Variants in SMC6 observed in about 807,000 individuals in gnomAD.
The protein encoded by SMC6 is structural maintenance of chromosomes 6, also known as structural maintenance of chromosomes protein 6.
A neutral mutation model predicts 142.2 loss-of-function variants in SMC6; 79 were observed. That is an observed-to-expected ratio of 0.56 (90% CI 0.46 to 0.67). The LOEUF is 0.67. SMC6 is among the 30% of genes least tolerant of loss of function. The pLI is 0.00. For missense variants in SMC6, 1,072 were observed against 1,284.0 expected (o/e 0.83, Z 2.52); for synonymous variants, 411 against 412.4 (o/e 1.00, Z 0.04).
At chr2:17,718,024 C>A in intron 12 of SMC6, 53 bp downstream of exon 12, 1 of 1,522,412 alleles carries the variant, frequency 6.6e-7, no homozygotes, top group Non-Finnish European at 8.9e-7. Flanking sequence ...GAAGAACAGC[C>A]TTTATATTTG....
chr2:17,701,755 T>C (rs1187888824), intron 20 of SMC6, 74 bp downstream of exon 20: 1 of 867,608 alleles, frequency 1.2e-6, no homozygotes, highest in Non-Finnish European at 1.8e-6. Flanking sequence ...CTAAAAAAGC[T>C]GAGTTGATGC....
intron 26 of SMC6, among the ~76,000 whole-genome samples, chr2:17,667,259 T>C (rs1666541739): frequency 6.6e-6 from 1 of 152,212 alleles, no homozygotes; most frequent in African/African-American, 2.4e-5. Flanking sequence ...GGTTAAGTTT[T>C]AAAAAGTCTG....
chr2:17,716,478 G>A (rs1329895297), intron 14 of SMC6, among the ~76,000 whole-genome samples: 12 of 152,054 alleles, frequency 7.9e-5, no homozygotes, highest in Admixed American at 7.9e-4. Flanking sequence ...CAACAATGAT[G>A]GGCTAGGAAT....
chr2:17,706,977 A>G (rs1357794740), intron 18 of SMC6, among the ~76,000 whole-genome samples: 3 of 152,202 alleles, frequency 2.0e-5, no homozygotes, highest in Non-Finnish European at 2.9e-5. Flanking sequence ...AATAGTGTAC[A>G]AATGATCCAG....
chr2:17,675,411 T>C (rs1376885688), intron 25 of SMC6, among the ~76,000 whole-genome samples: 2 of 152,118 alleles, frequency 1.3e-5, no homozygotes. Context: ...GAAACTGTTT[T>C]GTATTTACCC....
At chr2:17,740,576 G>A (rs750519424) in intron 4 of SMC6, among the ~76,000 whole-genome samples, 2 of 152,118 alleles carry the variant, frequency 1.3e-5, no homozygotes, top group African/African-American at 4.8e-5. Context: ...AATTGTGGCC[G>A]GGCGCAGTGG....
intron 23 of SMC6, among the ~76,000 whole-genome samples, chr2:17,690,689 C>T (rs1452515107): frequency 2.7e-5 from 4 of 150,386 alleles, no homozygotes; most frequent in Non-Finnish European, 5.9e-5. Context: ...CATAATGTAC[C>T]GAATAGACAA....
chr2:17,703,556 T>C (rs769231244), intron 18 of SMC6, among the ~76,000 whole-genome samples: 2 of 151,712 alleles, frequency 1.3e-5, no homozygotes, highest in African/African-American at 2.4e-5. Context: ...GTTTGAAATA[T>C]GTGGGTCCAC....
chr2:17,729,219 G>A (rs1421672896), intron 7 of SMC6, among the ~76,000 whole-genome samples: 1 of 152,054 alleles, frequency 6.6e-6, no homozygotes, highest in East Asian at 1.9e-4. Context: ...AATCTGCTGG[G>A]TATTTCACAT....
In SMC6 at chr2:17,741,746, A is replaced by G; in HGVS notation, c.121-17T>C. 2.7e-6 allele frequency: 4 copies of G among 1,498,748 alleles called. No homozygotes were observed. Among genetic ancestry groups the G allele is most frequent in the South Asian group, 1.2e-5 (1 of 85,180 alleles). The allele number at this position is 1,498,748 out of a possible 1,614,324, so 92.8% of individuals were successfully genotyped here. A position where few individuals can be genotyped will look rare whatever the true frequency, so the allele number is the denominator to read the frequency against. On this transcript the variant is annotated splice_polypyrimidine_tract_variant and intron_variant, in intron 3 of 27. Coordinates refer to ENST00000448223, the MANE Select transcript of SMC6 (RefSeq NM_001142286.2). ...TGCTGCAGTCTATTAATAAAAAACAATGGGAGAAAATGGTCAATCTAATTC... is the reference window on the plus strand; with the variant it reads ...TGCTGCAGTCTATTAATAAAAAACAGTGGGAGAAAATGGTCAATCTAATTC...
At chr2:17,750,197 T>C (rs1050778838) in intron 2 of SMC6, among the ~76,000 whole-genome samples, 4 of 152,132 alleles carry the variant, frequency 2.6e-5, no homozygotes, top group African/African-American at 7.2e-5. Context: ...ATATAGAAGA[T>C]AGATGAAACA....
intron 26 of SMC6, 21 bp from the exon 27 acceptor site, chr2:17,666,538 T>C: frequency 6.4e-7 from 1 of 1,561,934 alleles, no homozygotes; most frequent in Non-Finnish European, 8.8e-7. Flanking sequence ...AAGGCAAAAG[T>C]TAGGATTGCT....
intron 5 of SMC6, 30 bp downstream of exon 5, chr2:17,738,191 G>C: frequency 6.6e-7 from 1 of 1,507,676 alleles, no homozygotes; most frequent in East Asian, 2.3e-5. Flanking sequence ...CTAAAGAATT[G>C]AAAATAGATG....
rs142909821 is a variant in SMC6, at chr2:17,715,994, A to T, written c.1525+92T>A. On this transcript the variant is annotated intron_variant, in intron 15 of 27. Transcript: ENST00000448223. ...ATATAATTTCATTATTTTAAATGAAATCATTTTATTTCGAAAACTTCATTC... is the reference window on the plus strand; with the variant it reads ...ATATAATTTCATTATTTTAAATGAATTCATTTTATTTCGAAAACTTCATTC... 9.1e-4 allele frequency: 959 copies of T among 1,056,924 alleles called. 11 individuals carry two copies. In the African/African-American group the frequency reaches 0.014, roughly 16 times the overall value. The allele number at this position is 1,056,924 out of a possible 1,614,324, so 65.5% of individuals were successfully genotyped here.
At chr2:17,741,473 C>T (rs1483955407) in intron 4 of SMC6, 139 bp downstream of exon 4, 9 of 588,288 alleles carry the variant, frequency 1.5e-5, no homozygotes, top group Admixed American at 8.4e-5. Context: ...CAGCAAATAC[C>T]AAGAATATTC....
intron 20 of SMC6, among the ~76,000 whole-genome samples, chr2:17,701,012 C>T (rs1668244574): frequency 1.4e-5 from 2 of 147,100 alleles, no homozygotes; most frequent in South Asian, 4.4e-4. Context: ...GCCTGGGCAA[C>T]AAGAGTGATA....
chr2:17,700,194 C>A lies in SMC6; in HGVS notation c.2394+14G>T. 6.4e-7 allele frequency: 1 copy of A among 1,557,312 alleles called. No homozygotes were observed. Among genetic ancestry groups the A allele is most frequent in the South Asian group, 1.2e-5 (1 of 83,894 alleles). ...CATAAAATACATACGTAACACAGTA[C>A]CAAAAATATATACCTTAAGTGGGTC... is the stretch of plus-strand genomic sequence containing the variant. On this transcript the variant is annotated intron_variant, in intron 21 of 27. Coordinates refer to ENST00000448223, the MANE Select transcript of SMC6 (RefSeq NM_001142286.2).
chr2:17,666,103 A>C (rs925597256), intron 27 of SMC6, among the ~76,000 whole-genome samples: 1 of 152,238 alleles, frequency 6.6e-6, no homozygotes, highest in Non-Finnish European at 1.5e-5. Flanking sequence ...AGGCAAGATT[A>C]GGGAAATCAT....
intron 21 of SMC6, among the ~76,000 whole-genome samples, chr2:17,697,892 G>A (rs567583938): frequency 1.1e-4 from 16 of 152,068 alleles, no homozygotes; most frequent in Admixed American, 2.6e-4. Context: ...ATGAATGTTC[G>A]CAGCAGCAGC....
Sources: gnomAD v4.1 joint callset for allele counts (sites outside exome capture counted in the v4.1 genomes callset) on GRCh38, gnomAD v4.1.1 for gene constraint, MANE v1.5 for transcripts, NCBI Gene and HGNC (gene_info 2026-07-23, HGNC 2026-07-21) for gene names.